DROSHA: variants seen among roughly 807,000 people sequenced by gnomAD.
DROSHA encodes ribonuclease 3.
In DROSHA, 56 loss-of-function variants were observed where a neutral mutation model predicts 181.9. The observed-to-expected ratio is 0.31, with a 90% CI of 0.25 to 0.38. The LOEUF is 0.38. Among genes scored for constraint, DROSHA ranks in the 10% least tolerant of loss-of-function variants. The pLI, the probability that DROSHA is intolerant of heterozygous loss-of-function variation, is 1.00. For synonymous variants in DROSHA, 524 were observed against 591.2 expected, an observed-to-expected ratio of 0.89 and a Z score of 1.65; for missense variants, 1,218 against 1,743.5, an observed-to-expected ratio of 0.70 and a Z score of 5.37.
chr5:31,518,751 C>T (rs372409108), intron 6 of DROSHA, among the ~76,000 whole-genome samples: 2 of 152,144 alleles, frequency 1.3e-5, no homozygotes, highest in African/African-American at 2.4e-5. Context: ...TTGCCTAATA[C>T]GATAAAGCTA....
At chr5:31,496,611 G>A (rs1753009528) in intron 11 of DROSHA, among the ~76,000 whole-genome samples, 1 of 152,128 alleles carries the variant, frequency 6.6e-6, no homozygotes, top group Non-Finnish European at 1.5e-5. Context: ...TCATGCTGAG[G>A]TGTGCTATTC....
At chr5:31,463,427 C>T (rs1406921299) in intron 20 of DROSHA, among the ~76,000 whole-genome samples, 1 of 152,136 alleles carries the variant, frequency 6.6e-6, no homozygotes, top group Non-Finnish European at 1.5e-5. Context: ...GAGTAAGCTG[C>T]TTGAACTTAC....
At chr5:31,523,696 C>A (rs1467620095) in intron 5 of DROSHA, among the ~76,000 whole-genome samples, 1 of 152,106 alleles carries the variant, frequency 6.6e-6, no homozygotes, top group Non-Finnish European at 1.5e-5. Context: ...ACATGCCAGC[C>A]AGGAGCGGTG....
At chr5:31,479,121 G>A (rs530510572) in intron 16 of DROSHA, among the ~76,000 whole-genome samples, 1 of 152,112 alleles carries the variant, frequency 6.6e-6, no homozygotes, top group African/African-American at 2.4e-5. Context: ...GAGAATGCCT[G>A]AAGTATCTGA....
intron 22 of DROSHA, 131 bp downstream of exon 22, chr5:31,449,147 AAAG>A: frequency 1.6e-6 from 2 of 1,245,232 alleles, no homozygotes; most frequent in Non-Finnish European, 1.1e-6. Flanking sequence ...AAAAAAAAAA[AAAG>A]AGTCAGTAAG....
chr5:31,415,674 T>C (rs1207639081), intron 30 of DROSHA, among the ~76,000 whole-genome samples: 1 of 152,190 alleles, frequency 6.6e-6, no homozygotes, highest in Non-Finnish European at 1.5e-5. Context: ...CTATAGTGCA[T>C]GCCACCATTG....
chr5:31,480,309 C>A (rs893812219), intron 16 of DROSHA, among the ~76,000 whole-genome samples: 1 of 150,552 alleles, frequency 6.6e-6, no homozygotes, highest in Non-Finnish European at 1.5e-5. Flanking sequence ...CAGTTAAGTG[C>A]AACAGGATAT....
At chr5:31,424,352 GA>G (rs1220872611) in intron 28 of DROSHA, 74 bp downstream of exon 28, 20 of 1,526,404 alleles carry the variant, frequency 1.3e-5, no homozygotes, top group East Asian at 2.4e-5. Flanking sequence ...AGTGGGGAAG[GA>G]AAAAAAGGCA....
At chr5:31,510,473 C>T (rs1223129188) in intron 9 of DROSHA, among the ~76,000 whole-genome samples, 1 of 152,214 alleles carries the variant, frequency 6.6e-6, no homozygotes, top group African/African-American at 2.4e-5. Context: ...CTCATCTGTG[C>T]ATGGCATTCT....
At chr5:31,418,515 C>T (rs1212452202) in intron 30 of DROSHA, among the ~76,000 whole-genome samples, 5 of 152,128 alleles carry the variant, frequency 3.3e-5, no homozygotes, top group African/African-American at 7.2e-5. Context: ...GCAATCCTCC[C>T]AGGTTGGCCT....
At chr5:31,401,727 C>T (rs1234786934) in intron 35 of DROSHA, among the ~76,000 whole-genome samples, 165 bp from the exon 36 acceptor site, 1 of 152,100 alleles carries the variant, frequency 6.6e-6, no homozygotes, top group African/African-American at 2.4e-5. Context: ...TTCCCTTATT[C>T]TTTCATCACT....
At position 31,514,754 on chromosome 5, in the gene DROSHA, TG is replaced by T. The variant is rs1428845169; in HGVS notation, c.1290+233del. Among the ~76,000 whole-genome samples, 5 of 152,240 alleles carry T rather than the reference TG, an allele frequency of 3.3e-5. No homozygotes were observed. The East Asian group carries it at 5.8e-4, about 18-fold the overall frequency. On this transcript the variant is annotated intron_variant, in intron 8 of 35. Transcript: ENST00000344624. This position sits in a 1 kb window ranked among gnomAD's most constrained non-coding sequence, Gnocchi z 4.4. ...TTTGTCTGTAACAGTGATTCTCAAC[TG>T]GGGGTGATCTTTTCCCCCCAGGGGA...
intron 30 of DROSHA, among the ~76,000 whole-genome samples, chr5:31,418,782 A>G (rs1742280655): frequency 6.6e-6 from 1 of 152,186 alleles, no homozygotes; most frequent in South Asian, 2.1e-4. Context: ...TAGGTTTCTG[A>G]CATGCAACAC....
Position 31,409,303 on chromosome 5 carries a change from C to G in DROSHA, c.3697G>C (p.Asp1233His), listed in dbSNP as rs745328317. 1 of 1,587,332 alleles carries G rather than the reference C, an allele frequency of 6.3e-7. No individual in the cohort carries two copies. The highest frequency in any genetic ancestry group is 1.1e-5 in the South Asian group (1 of 87,040). ...ATGAAAGTATGAACATATTCCAAATCCTTATCAATGTACAGCGCTGCAATA... is the reference window on the plus strand; with the variant it reads ...ATGAAAGTATGAACATATTCCAAATGCTTATCAATGTACAGCGCTGCAATA... ...SFIAALYIDKDLEYVHTFMNV... is the reference protein window; with the variant it reads ...SFIAALYIDKHLEYVHTFMNV... Residue 1233 changes from aspartate to histidine, a missense_variant, in exon 32 of 36, where the codon GAT becomes CAT. This residue lies in a region of DROSHA where 47 missense variants were observed against 70.6 expected (regional missense o/e 0.67). Transcript: ENST00000344624. The surrounding 1 kb of genome is among the most constrained non-coding windows in gnomAD (Gnocchi z 4.0).
chr5:31,494,969 C>T (rs756414681), intron 12 of DROSHA, among the ~76,000 whole-genome samples: 2 of 152,128 alleles, frequency 1.3e-5, no homozygotes, highest in Non-Finnish European at 2.9e-5. Flanking sequence ...CCACCGCGCC[C>T]GGCCACCATT....
chr5:31,418,827 AAT>A (rs1433921651), intron 30 of DROSHA, among the ~76,000 whole-genome samples: 1 of 152,098 alleles, frequency 6.6e-6, no homozygotes, highest in East Asian at 1.9e-4. Flanking sequence ...TTACTCAGGG[AAT>A]ACTGGACGAG....
Position 31,484,895 on chromosome 5 carries a change from T to C in DROSHA, c.1982A>G (p.Asp661Gly). The C allele has an allele frequency of 6.5e-7, 1 of 1,543,748 alleles. No homozygotes were observed. The highest frequency in any genetic ancestry group is 8.8e-7 in the Non-Finnish European group (1 of 1,142,766). Residue 661 changes from aspartate to glycine, a missense_variant, in exon 15 of 36, where the codon GAC (aspartate) becomes GGC (glycine). By Grantham distance (94) the Asp-to-Gly change is moderately conservative. Coordinates refer to ENST00000344624, the MANE Select transcript of DROSHA (RefSeq NM_001382508.1). ...CTATTACTTACCTTTAAGATTCCAG[T>C]CATATAATTCCAAAATATCTCTGAA... is the stretch of plus-strand genomic sequence containing the variant. ...FLFRDILELYDWNLKGPLFED... is the reference protein window; with the variant it reads ...FLFRDILELYGWNLKGPLFED...
chr5:31,517,473 A>G (rs993324680), intron 6 of DROSHA, among the ~76,000 whole-genome samples: 3 of 152,168 alleles, frequency 2.0e-5, no homozygotes, highest in Non-Finnish European at 4.4e-5. Flanking sequence ...CAGAAATCTA[A>G]TCTCAATTTT....
intron 13 of DROSHA, among the ~76,000 whole-genome samples, chr5:31,490,803 T>C (rs1197003025): frequency 1.3e-5 from 2 of 152,224 alleles, no homozygotes; most frequent in African/African-American, 4.8e-5. Flanking sequence ...CTAATTCCTA[T>C]GAACTGCACA....
Sources: allele counts gnomAD v4.1 joint callset (sites outside exome capture counted in the v4.1 genomes callset), GRCh38; gene constraint gnomAD v4.1.1; regional missense constraint gnomAD v4.1.1; non-coding constraint Gnocchi (gnomAD v3.1); transcripts MANE v1.5; gene names NCBI Gene and HGNC (gene_info 2026-07-23, HGNC 2026-07-21).